Variants in ZFHX3 observed in about 807,000 individuals in gnomAD.
The protein encoded by ZFHX3 is zinc finger homeobox 3.
ZFHX3 carries 42 observed loss-of-function variants against 279.1 expected under a neutral mutation model. The ratio of observed to expected loss-of-function variants is 0.15; its 90% CI spans 0.12 to 0.19. The LOEUF is 0.19. Ranked by LOEUF, ZFHX3 falls within the 10% of genes least tolerant of loss-of-function variation. The pLI, the probability that ZFHX3 is intolerant of heterozygous loss-of-function variation, is 1.00. For missense variants in ZFHX3, 4,981 were observed against 4,754.0 expected (o/e 1.05, Z -1.40); for synonymous variants, 2,293 against 1,957.8 (o/e 1.17, Z -4.52).
chr16:72,830,981 T>C (rs970455186), intron 4 of ZFHX3, among the ~76,000 whole-genome samples: 1 of 152,144 alleles, frequency 6.6e-6, no homozygotes, highest in Non-Finnish European at 1.5e-5. Context: ...GAACACTGGA[T>C]CAGGCCTCTA....
intron 3 of ZFHX3, among the ~76,000 whole-genome samples, chr16:73,432,166 G>C (rs1029007041): frequency 2.6e-5 from 4 of 152,162 alleles, no homozygotes; most frequent in Non-Finnish European, 5.9e-5. Context: ...TACAGTCTCA[G>C]AGCCTTGTTT....
intron 1 of ZFHX3, among the ~76,000 whole-genome samples, chr16:73,696,964 T>G (rs998481915): frequency 1.3e-5 from 2 of 152,180 alleles, no homozygotes; most frequent in African/African-American, 4.8e-5. Context: ...ATAGCATCTG[T>G]TTGCTTACAG....
intron 2 of ZFHX3, among the ~76,000 whole-genome samples, chr16:73,588,188 A>G (rs993491774): frequency 3.9e-5 from 6 of 152,232 alleles, no homozygotes; most frequent in African/African-American, 1.4e-4. Context: ...ACAACAAATT[A>G]GCAACTATAT....
chr16:73,488,331 T>A (rs566609394), intron 2 of ZFHX3, among the ~76,000 whole-genome samples: 37 of 152,166 alleles, frequency 2.4e-4, no homozygotes, highest in African/African-American at 8.7e-4. Context: ...CCTACTATAG[T>A]GCTGATGAAA....
intron 1 of ZFHX3, among the ~76,000 whole-genome samples, chr16:73,792,243 G>A (rs368717077): frequency 1.3e-5 from 2 of 152,050 alleles, no homozygotes; most frequent in Non-Finnish European, 2.9e-5. Context: ...TTTTATTTCC[G>A]CCATTGTAAA....
chr16:73,413,524 C>T (rs1432462347), intron 3 of ZFHX3, among the ~76,000 whole-genome samples: 1 of 152,186 alleles, frequency 6.6e-6, no homozygotes, highest in Non-Finnish European at 1.5e-5. Context: ...CACTTAGAAG[C>T]TCCTACAATT....
intron 1 of ZFHX3, among the ~76,000 whole-genome samples, chr16:73,832,529 C>A (rs897919976): frequency 2.6e-5 from 4 of 152,032 alleles, no homozygotes; most frequent in African/African-American, 9.7e-5. Flanking sequence ...GCAAGATAGG[C>A]CCTTTTTAAG....
At chr16:72,946,813 G>A (rs1185805135) in intron 3 of ZFHX3, among the ~76,000 whole-genome samples, 1 of 152,220 alleles carries the variant, frequency 6.6e-6, no homozygotes, top group East Asian at 1.9e-4. Context: ...GATTGAGAGT[G>A]GGGCCAGGGT....
intron 1 of ZFHX3, among the ~76,000 whole-genome samples, chr16:73,757,012 C>T (rs2053816773): frequency 6.6e-6 from 1 of 152,110 alleles, no homozygotes; most frequent in Non-Finnish European, 1.5e-5. Context: ...ATGCATGGGA[C>T]AGGTGTTACC....
chr16:73,767,780 C>A (rs1358251862), intron 1 of ZFHX3, among the ~76,000 whole-genome samples: 1 of 152,126 alleles, frequency 6.6e-6, no homozygotes, highest in African/African-American at 2.4e-5. Flanking sequence ...GAGACTTAAC[C>A]TCTGTGAGAC....
intron 5 of ZFHX3, among the ~76,000 whole-genome samples, chr16:73,185,918 C>G (rs767072163): frequency 2.6e-5 from 4 of 152,124 alleles, no homozygotes; most frequent in Non-Finnish European, 4.4e-5. Context: ...TACAGCTGCT[C>G]CCTATCCCTC....
At chr16:73,846,966 C>T (rs1237552577) in intron 1 of ZFHX3, among the ~76,000 whole-genome samples, 3 of 151,852 alleles carry the variant, frequency 2.0e-5, no homozygotes, top group Non-Finnish European at 4.4e-5. Context: ...TATTGTAGGT[C>T]ACAGTGATTC....
intron 2 of ZFHX3, among the ~76,000 whole-genome samples, chr16:73,490,885 A>G (rs927162871): frequency 6.6e-6 from 1 of 152,100 alleles, no homozygotes; most frequent in Admixed American, 6.6e-5. Context: ...AAACTAAGAA[A>G]CTGCAGAGGT....
chr16:73,425,542 A>G (rs1245510745), intron 3 of ZFHX3, among the ~76,000 whole-genome samples: 1 of 152,200 alleles, frequency 6.6e-6, no homozygotes, highest in Non-Finnish European at 1.5e-5. Context: ...AAAAAGCCAA[A>G]AGTGAAACCA....
At chr16:73,030,422 C>A (rs1432763549) in intron 1 of ZFHX3, among the ~76,000 whole-genome samples, 1 of 152,208 alleles carries the variant, frequency 6.6e-6, no homozygotes, top group Non-Finnish European at 1.5e-5. Context: ...GGTTAGAAGG[C>A]TCAAGTCCTC....
intron 2 of ZFHX3, among the ~76,000 whole-genome samples, chr16:73,602,394 C>T (rs2052127992): frequency 6.6e-6 from 1 of 152,064 alleles, no homozygotes; most frequent in Non-Finnish European, 1.5e-5. Flanking sequence ...GAGGTAGGTG[C>T]AAGGAAGCAA....
At chr16:72,882,348 T>G (rs1211697189) in intron 4 of ZFHX3, among the ~76,000 whole-genome samples, 1 of 152,098 alleles carries the variant, frequency 6.6e-6, no homozygotes, top group East Asian at 1.9e-4. Context: ...AGAAGGGCAG[T>G]GTACAGCTGG....
intron 2 of ZFHX3, among the ~76,000 whole-genome samples, chr16:73,631,923 T>TCACACA (rs1335020758): frequency 3.2e-3 from 325 of 101,860 alleles, no homozygotes; most frequent in African/African-American, 0.011. Flanking sequence ...TCTCTCTCTC[T>TCACACA]CTCTCACACA....
chr16:73,516,801 G>A (rs2019529865), intron 2 of ZFHX3, among the ~76,000 whole-genome samples: 1 of 152,226 alleles, frequency 6.6e-6, no homozygotes, highest in Non-Finnish European at 1.5e-5. Context: ...TAGCTGCACA[G>A]AGAGTATGTG....
Sources: gnomAD v4.1 joint callset for allele counts (sites outside exome capture counted in the v4.1 genomes callset) on GRCh38, gnomAD v4.1.1 for gene constraint, MANE v1.5 for transcripts, NCBI Gene and HGNC (gene_info 2026-07-23, HGNC 2026-07-21) for gene names.